ATP13A5: variants seen among roughly 807,000 people sequenced by gnomAD.
The protein encoded by ATP13A5 is probable cation-transporting ATPase 13A5.
A neutral mutation model predicts 150.2 loss-of-function variants in ATP13A5; 149 were observed. The ratio of observed to expected loss-of-function variants is 0.99; its 90% CI spans 0.87 to 1.14. The LOEUF (loss-of-function observed/expected upper bound fraction) is 1.14, where lower values mean the gene tolerates loss of function less well. Among genes scored for constraint, ATP13A5 ranks in the 50% most tolerant of loss-of-function variants. The pLI is 0.00. For missense variants in ATP13A5, 1,383 were observed against 1,449.3 expected, an observed-to-expected ratio of 0.95 and a Z score of 0.74; for synonymous variants, 497 against 522.2, an observed-to-expected ratio of 0.95 and a Z score of 0.66.
intron 5 of ATP13A5, among the ~76,000 whole-genome samples, chr3:193,360,868 A>C (rs1577371163): frequency 6.6e-6 from 1 of 152,094 alleles, no homozygotes; most frequent in Non-Finnish European, 1.5e-5. Context: ...GTAAAGACGG[A>C]GTTTCACCAT....
Position 193,294,523 on chromosome 3 carries a change from T to C in ATP13A5, c.2849-4464A>G, listed in dbSNP as rs564397478. Among the ~76,000 whole-genome samples the C allele has an allele frequency of 7.9e-5, 12 of 152,234 alleles. No individual in the cohort carries two copies. The South Asian group carries it at 2.5e-3, about 32-fold the overall frequency. On this transcript the variant is annotated intron_variant, in intron 25 of 29. Coordinates refer to ENST00000342358, the MANE Select transcript of ATP13A5 (RefSeq NM_198505.4). ...TAGATTTTCTCTGTAATGTATTATA[T>C]TTTGTCTCTGTACATTGCCTTAAAA...
intron 7 of ATP13A5, among the ~76,000 whole-genome samples, chr3:193,346,817 G>T (rs753463678): frequency 1.2e-4 from 19 of 152,152 alleles, no homozygotes; most frequent in Non-Finnish European, 2.2e-4. Context: ...AGTGGAAGAA[G>T]CGATAGTACT....
chr3:193,318,833 AC>A (rs1372264071), intron 17 of ATP13A5, among the ~76,000 whole-genome samples, 157 bp downstream of exon 17: 1 of 152,176 alleles, frequency 6.6e-6, no homozygotes, highest in Non-Finnish European at 1.5e-5. Flanking sequence ...CTCCAGTATC[AC>A]CTACAATTAT....
At chr3:193,290,859 A>T (rs1717924286) in intron 25 of ATP13A5, among the ~76,000 whole-genome samples, 1 of 152,158 alleles carries the variant, frequency 6.6e-6, no homozygotes, top group Non-Finnish European at 1.5e-5. Flanking sequence ...AAGGCAGAGC[A>T]GGAAGGAAGC....
chr3:193,310,779 G>C (rs1718814437), intron 20 of ATP13A5, 62 bp from the exon 21 acceptor site: 1 of 1,312,204 alleles, frequency 7.6e-7, no homozygotes, highest in South Asian at 1.3e-5. Flanking sequence ...AAAAATAAAA[G>C]AACAGCCCTG....
At chr3:193,336,343 T>C (rs1186126603) in intron 9 of ATP13A5, among the ~76,000 whole-genome samples, 1 of 152,106 alleles carries the variant, frequency 6.6e-6, no homozygotes, top group Non-Finnish European at 1.5e-5. Flanking sequence ...ACCCATTAAA[T>C]CATAATTTAC....
At chr3:193,318,881 T>C in intron 17 of ATP13A5, 110 bp downstream of exon 17, 1 of 761,590 alleles carries the variant, frequency 1.3e-6, no homozygotes, top group East Asian at 2.5e-5. Flanking sequence ...AGATTAATTC[T>C]CTGTCTCTGA....
Position 193,333,626 on chromosome 3 carries a change from C to G in ATP13A5, c.1272+124G>C, listed in dbSNP as rs1711727252. ...GAGAACATTTCCGCTGTCTAAGAAGCTCTTTTGGACAGTAATGATTCACAG... is the reference window on the plus strand; with the variant it reads ...GAGAACATTTCCGCTGTCTAAGAAGGTCTTTTGGACAGTAATGATTCACAG... On this transcript the variant is annotated intron_variant, in intron 11 of 29. Coordinates refer to ENST00000342358, the MANE Select transcript of ATP13A5 (RefSeq NM_198505.4). 3.1e-6 allele frequency: 3 copies of G among 980,462 alleles called. No individual in the cohort carries two copies. The South Asian group carries it at 5.4e-5, about 18-fold the overall frequency. The allele number at this position is 980,462 out of a possible 1,614,324, so 60.7% of individuals were successfully genotyped here. A position where few individuals can be genotyped will look rare whatever the true frequency, so the allele number is the denominator to read the frequency against.
At chr3:193,364,044 C>T in intron 2 of ATP13A5, 63 bp downstream of exon 2, 5 of 1,523,344 alleles carry the variant, frequency 3.3e-6, no homozygotes, top group Non-Finnish European at 4.5e-6. Flanking sequence ...CAGAGTTATG[C>T]CACAGAGGCA....
At chr3:193,291,248 GATCA>G (rs1717942690) in intron 25 of ATP13A5, among the ~76,000 whole-genome samples, 1 of 152,014 alleles carries the variant, frequency 6.6e-6, no homozygotes, top group Admixed American at 6.6e-5. Flanking sequence ...ACCTATACCA[GATCA>G]ATCAATGTTT....
At position 193,334,127 on chromosome 3, in the gene ATP13A5, T is replaced by C. The variant is rs557056291; in HGVS notation, c.1115-220A>G. On this transcript the variant is annotated intron_variant, in intron 10 of 29. Coordinates refer to ENST00000342358, the MANE Select transcript of ATP13A5 (RefSeq NM_198505.4). ...AGTGTCTAGTGCCTGCTAACTAGTT[T>C]GAACATTTAAAAAAATTAGATATTT... Among the ~76,000 whole-genome samples the C allele has an allele frequency of 4.6e-5, 7 of 152,312 alleles. No individual in the cohort carries two copies. In the East Asian group the frequency reaches 1.4e-3, roughly 29 times the overall value.
At chr3:193,317,619 A>C (rs1401222548) in intron 17 of ATP13A5, among the ~76,000 whole-genome samples, 1 of 152,164 alleles carries the variant, frequency 6.6e-6, no homozygotes, top group African/African-American at 2.4e-5. Context: ...AAATTTTTCT[A>C]GTTGGAAAAC....
intron 24 of ATP13A5, 42 bp from the exon 25 acceptor site, chr3:193,299,245 A>G (rs1254889816): frequency 4.1e-6 from 6 of 1,468,644 alleles, no homozygotes; most frequent in East Asian, 2.3e-5. Context: ...GGCATCTGCC[A>G]TCATAGCCTA....
rs200471661 is a variant in ATP13A5, at chr3:193,363,275, G to A, written c.345C>T (p.His115=). The part of the protein sequence containing the change: ...KWEESLVADR[H]SVINQALIKP... Reference sequence around the variant, plus strand: ...TTATTAAGGCTTGGTTTATGACAGAGTGGCGGTCAGCCACCAGGGATTCTT... The same window carrying A: ...TTATTAAGGCTTGGTTTATGACAGAATGGCGGTCAGCCACCAGGGATTCTT... Residue 115 remains histidine (H), a synonymous_variant, in exon 3 of 30, where the codon CAC becomes CAT. Transcript: ENST00000342358. 5.1e-5 allele frequency: 82 copies of A among 1,613,800 alleles called. No individual in the cohort carries two copies. The Middle Eastern group carries it at 1.3e-3, about 26-fold the overall frequency.
intron 5 of ATP13A5, among the ~76,000 whole-genome samples, chr3:193,361,184 C>G (rs1375445501): frequency 6.6e-6 from 1 of 152,076 alleles, no homozygotes; most frequent in Non-Finnish European, 1.5e-5. Flanking sequence ...GCTATTAAAC[C>G]AATATATTTT....
rs767332809 is a variant in ATP13A5 at position 193,364,262 on chromosome 3, C to T, written c.82G>A (p.Asp28Asn). 1 of 1,613,314 alleles carries T rather than the reference C, an allele frequency of 6.2e-7. No homozygotes were observed. Among genetic ancestry groups the T allele is most frequent in the Non-Finnish European group, 8.5e-7 (1 of 1,179,718 alleles). ...EDELEVFGYR[D>N]HNVRKAFCLV... ...CAGAAGGCTTTCCGTACATTGTGGT[C>T]CCGGTAACCAAACACCTCCTGGAGA... The change falls in exon 2 of 30, where the codon GAC becomes AAC. Residue 28 changes from aspartate to asparagine, a missense_variant. Transcript: ENST00000342358.
chr3:193,322,682 T>C, intron 14 of ATP13A5, 108 bp from the exon 15 acceptor site: 1 of 792,726 alleles, frequency 1.3e-6, no homozygotes, highest in Non-Finnish European at 2.0e-6. Context: ...TTTTTACATA[T>C]TTTCTCTTCC....
Position 193,285,071 on chromosome 3 carries a change from ACT to A in ATP13A5, c.3067_3068del (p.Ser1023PhefsTer20), listed in dbSNP as rs1306330011. ...CATTTCCAGTCCAGTTTCTTTCCAA[ACT>A]CACATTTGTTGAAAAATTACTTTGG... is the stretch of plus-strand genomic sequence containing the variant. ...ANQSNFSTNV[S>X]LERNWTGNAT... On this transcript the variant is annotated frameshift_variant, in exon 27 of 30. Coordinates refer to ENST00000342358, the MANE Select transcript of ATP13A5 (RefSeq NM_198505.4). LOFTEE classifies it high-confidence loss of function. 5 of 1,613,884 alleles carry A rather than the reference ACT, an allele frequency of 3.1e-6. No homozygotes were observed. The highest frequency in any genetic ancestry group is 4.2e-6 in the Non-Finnish European group (5 of 1,179,952).
At chr3:193,296,208 G>A (rs1718163817) in intron 25 of ATP13A5, among the ~76,000 whole-genome samples, 1 of 152,084 alleles carries the variant, frequency 6.6e-6, no homozygotes, top group South Asian at 2.1e-4. Context: ...GGAATCCTGA[G>A]AAGTCAGAGG....
Sources: gnomAD v4.1 joint callset for allele counts (sites outside exome capture counted in the v4.1 genomes callset) on GRCh38, gnomAD v4.1.1 for gene constraint, MANE v1.5 for transcripts, NCBI Gene and HGNC (gene_info 2026-07-23, HGNC 2026-07-21) for gene names.